FILIP1: variants seen among roughly 807,000 people sequenced by gnomAD.
The protein encoded by FILIP1 is filamin-A-interacting protein 1.
FILIP1 carries 61 observed loss-of-function variants against 102.1 expected under a neutral mutation model. The observed-to-expected ratio is 0.60, with a 90% CI of 0.49 to 0.74. The LOEUF (loss-of-function observed/expected upper bound fraction) is 0.74. Ranked by LOEUF, FILIP1 falls within the 30% of genes least tolerant of loss-of-function variation. FILIP1 has a pLI of 0.00. For synonymous variants in FILIP1, 491 were observed against 526.9 expected (o/e 0.93, Z 0.93); for missense variants, 1,314 against 1,441.2 (o/e 0.91, Z 1.43).
At chr6:75,372,665 GAAAGA>G (rs1775573357) in intron 2 of FILIP1, among the ~76,000 whole-genome samples, 1 of 59,494 alleles carries the variant, frequency 1.7e-5, no homozygotes, top group Non-Finnish European at 3.2e-5. Flanking sequence ...AAGAAAGAAA[GAAAGA>G]AAGAAAGAAA....
chr6:75,442,749 A>AG (rs1425033075), intron 1 of FILIP1, among the ~76,000 whole-genome samples: 1 of 143,366 alleles, frequency 7.0e-6, no homozygotes, highest in Non-Finnish European at 1.5e-5. Flanking sequence ...CCGTGGGGAG[A>AG]GGGAGAGGGA....
At chr6:75,478,944 G>T (rs992703024) in intron 1 of FILIP1, among the ~76,000 whole-genome samples, 1 of 152,152 alleles carries the variant, frequency 6.6e-6, no homozygotes, top group Non-Finnish European at 1.5e-5. Context: ...CTTGCTCCTT[G>T]GTCCCTCACC....
intron 1 of FILIP1, among the ~76,000 whole-genome samples, chr6:75,420,454 C>T (rs1200137665): frequency 1.3e-5 from 2 of 152,016 alleles, no homozygotes; most frequent in Non-Finnish European, 2.9e-5. Flanking sequence ...ATTAAAATCC[C>T]CACATTGATG....
At chr6:75,440,544 A>T (rs1222186153) in intron 1 of FILIP1, among the ~76,000 whole-genome samples, 3 of 152,218 alleles carry the variant, frequency 2.0e-5, no homozygotes, top group Admixed American at 1.3e-4. Flanking sequence ...GGCAGGCAAG[A>T]TTGACTTCCT....
chr6:75,456,409 T>C (rs1010342718), intron 1 of FILIP1, among the ~76,000 whole-genome samples: 3 of 152,208 alleles, frequency 2.0e-5, no homozygotes, highest in South Asian at 2.1e-4. Flanking sequence ...TTGCAAGATA[T>C]ATTTATTTGT....
chr6:75,371,421 T>C (rs1775513726), intron 2 of FILIP1, among the ~76,000 whole-genome samples: 1 of 152,220 alleles, frequency 6.6e-6, no homozygotes, highest in Non-Finnish European at 1.5e-5. Context: ...GCTTGAGTTT[T>C]AAAATGTAAA....
At chr6:75,351,129 C>T (rs755901224) in intron 4 of FILIP1, among the ~76,000 whole-genome samples, 16 of 151,992 alleles carry the variant, frequency 1.1e-4, no homozygotes, top group Admixed American at 8.5e-4. Context: ...TGCAATGACG[C>T]GATCTTGGCT....
intron 1 of FILIP1, among the ~76,000 whole-genome samples, chr6:75,483,048 GC>G (rs903367989): frequency 2.0e-5 from 3 of 151,392 alleles, no homozygotes; most frequent in African/African-American, 7.3e-5. Flanking sequence ...AAAAATCTGT[GC>G]TACAGTATTT....
rs757733034 is a variant in FILIP1, at chr6:75,313,077, C to T, written c.2755G>A (p.Glu919Lys). Residue 919 changes from glutamate (E) to lysine (K), a missense_variant, in exon 5 of 6, where the codon GAG becomes AAG. Coordinates refer to ENST00000237172, the MANE Select transcript of FILIP1 (RefSeq NM_015687.5). The surrounding 1 kb of genome is among the most constrained non-coding windows in gnomAD (Gnocchi z 4.2). ...ATCTCCAAAGTCGCAGTGCTGTTCTCGTGGTCTGGTGTCACTCGAATATGC... is the reference window on the plus strand; with the variant it reads ...ATCTCCAAAGTCGCAGTGCTGTTCTTGTGGTCTGGTGTCACTCGAATATGC... Reference protein sequence around the residue: ...PLHIRVTPDHENSTATLEITS... With the variant: ...PLHIRVTPDHKNSTATLEITS... The T allele has an allele frequency of 4.2e-5, 68 of 1,614,068 alleles. No homozygotes were observed. Among genetic ancestry groups the T allele is most frequent in the Middle Eastern group, 1.6e-4 (1 of 6,082 alleles).
At chr6:75,429,208 C>T (rs761145773) in intron 1 of FILIP1, among the ~76,000 whole-genome samples, 59 of 152,208 alleles carry the variant, frequency 3.9e-4, no homozygotes, top group Admixed American at 8.5e-4. Context: ...AACTACTCTG[C>T]CAGCATCACT....
intron 4 of FILIP1, among the ~76,000 whole-genome samples, chr6:75,315,676 C>T (rs1294037067): frequency 6.6e-6 from 1 of 152,150 alleles, no homozygotes; most frequent in Non-Finnish European, 1.5e-5. Context: ...ACTATCATCA[C>T]CATGAAAAAA....
At chr6:75,362,679 G>A in intron 3 of FILIP1, 65 bp downstream of exon 3, 3 of 1,505,220 alleles carry the variant, frequency 2.0e-6, no homozygotes, top group East Asian at 2.3e-5. Context: ...GCATGTAAAT[G>A]GAAGAATGTG....
chr6:75,478,405 C>T (rs1414675962), intron 1 of FILIP1, among the ~76,000 whole-genome samples: 1 of 152,146 alleles, frequency 6.6e-6, no homozygotes, highest in Non-Finnish European at 1.5e-5. Context: ...TATTTACCAC[C>T]TTCACTGGAC....
At position 75,337,834 on chromosome 6, in the gene FILIP1, A is replaced by C. The variant is rs115986999; in HGVS notation, c.629+15705T>G. Among the ~76,000 whole-genome samples the C allele has an allele frequency of 8.9e-3, 1,351 of 152,336 alleles. 27 individuals carry two copies. Among genetic ancestry groups the C allele is most frequent in the African/African-American group, 0.031 (1,296 of 41,572 alleles). ...GGAGAAGTGAGAAAAACCTGAGAGC[A>C]CTGGAAAGCTGAGTAAATCAGAAAG... On this transcript the variant is annotated intron_variant, in intron 4 of 5. Coordinates refer to ENST00000237172, the MANE Select transcript of FILIP1 (RefSeq NM_015687.5).
At chr6:75,481,682 A>C (rs9343291) in intron 1 of FILIP1, among the ~76,000 whole-genome samples, 145,296 of 152,234 alleles carry the variant, frequency 0.95, 69,719 homozygotes, top group East Asian at 1. Context: ...CCTATGTTCT[A>C]TCAGTTCAGC....
chr6:75,340,047 C>T (rs527976203), intron 4 of FILIP1, among the ~76,000 whole-genome samples: 8 of 152,028 alleles, frequency 5.3e-5, no homozygotes, highest in South Asian at 4.1e-4. Flanking sequence ...TAGCAATAAA[C>T]TTATGACCCC....
At chr6:75,402,882 A>T (rs2808197) in intron 2 of FILIP1, among the ~76,000 whole-genome samples, 5,741 of 152,278 alleles carry the variant, frequency 0.038, 367 homozygotes, top group African/African-American at 0.13. Context: ...AGATGTTAAA[A>T]ATATTAATCT....
At chr6:75,420,715 G>A (rs886456091) in intron 1 of FILIP1, among the ~76,000 whole-genome samples, 2 of 151,982 alleles carry the variant, frequency 1.3e-5, no homozygotes, top group Admixed American at 6.6e-5. Flanking sequence ...TTCAGGCCTC[G>A]TCTGACTATT....
In FILIP1 at chr6:75,313,284, A is replaced by G. The variant is rs1442276982; in HGVS notation, c.2548T>C (p.Ser850Pro). The change falls in exon 5 of 6, where the codon TCT (serine) becomes CCT (proline). Residue 850 changes from serine to proline, a missense_variant. Physicochemically the swap from Ser to Pro is moderately conservative, Grantham distance 74. Coordinates refer to ENST00000237172, the MANE Select transcript of FILIP1 (RefSeq NM_015687.5). The surrounding 1 kb of genome is among the most constrained non-coding windows in gnomAD (Gnocchi z 4.2). ...QVGLKKPVER[S>P]SVLDRYPPAA... Reference sequence around the variant, plus strand: ...GGAGGATACCTGTCTAGAACAGAAGATCTTTCCACGGGTTTCTTCAATCCC... The same window carrying G: ...GGAGGATACCTGTCTAGAACAGAAGGTCTTTCCACGGGTTTCTTCAATCCC... The G allele has an allele frequency of 1.9e-6, 3 of 1,614,048 alleles. No individual in the cohort carries two copies. In the African/African-American group the frequency reaches 4.0e-5, roughly 22 times the overall value.
Sources: allele counts gnomAD v4.1 joint callset (sites outside exome capture counted in the v4.1 genomes callset), GRCh38; gene constraint gnomAD v4.1.1; non-coding constraint Gnocchi (gnomAD v3.1); transcripts MANE v1.5; gene names NCBI Gene and HGNC (gene_info 2026-07-23, HGNC 2026-07-21).